Variants in ADAM10 observed in about 807,000 individuals in gnomAD.
ADAM10 encodes disintegrin and metalloproteinase domain-containing protein 10.
A neutral mutation model predicts 90.1 loss-of-function variants in ADAM10; 17 were observed. The ratio of observed to expected loss-of-function variants is 0.19; its 90% CI spans 0.13 to 0.28. The LOEUF is 0.28. Among genes scored for constraint, ADAM10 ranks in the 10% least tolerant of loss-of-function variants. ADAM10 has a pLI of 1.00. For synonymous variants in ADAM10, 310 were observed against 298.6 expected (o/e 1.04, Z -0.40); for missense variants, 610 against 914.3 (o/e 0.67, Z 4.29).
chr15:58,679,091 AAAAAGG>A, intron 4 of ADAM10, 27 bp downstream of exon 4: 2 of 1,593,420 alleles, frequency 1.3e-6, no homozygotes, highest in Non-Finnish European at 1.7e-6. Context: ...ATGCCTTTTG[AAAAAGG>A]CTACTTGATA....
intron 1 of ADAM10, among the ~76,000 whole-genome samples, chr15:58,718,807 C>A (rs191789258): frequency 6.6e-6 from 1 of 152,284 alleles, no homozygotes; most frequent in Admixed American, 6.5e-5. Context: ...GTGCAGCTCT[C>A]TCTTCACCCT....
chr15:58,644,159 C>G (rs555245086), intron 6 of ADAM10, among the ~76,000 whole-genome samples, 181 bp from the exon 7 acceptor site: 2 of 151,006 alleles, frequency 1.3e-5, no homozygotes, highest in Non-Finnish European at 2.9e-5. Context: ...AAGGGAGATT[C>G]TACTTTCTTT....
intron 5 of ADAM10, among the ~76,000 whole-genome samples, chr15:58,654,790 T>C (rs8036097): frequency 0.19 from 28,945 of 152,162 alleles, 3,004 homozygotes; most frequent in East Asian, 0.44. Context: ...TTCCATGTGA[T>C]TGTATAGTTT....
chr15:58,598,362 T>A (rs546545893), intron 15 of ADAM10, among the ~76,000 whole-genome samples: 5 of 152,296 alleles, frequency 3.3e-5, no homozygotes, highest in African/African-American at 9.6e-5. Context: ...CCTTAAATAC[T>A]AACATAAGTT....
intron 10 of ADAM10, among the ~76,000 whole-genome samples, chr15:58,625,223 C>T (rs906464977): frequency 6.6e-6 from 1 of 152,110 alleles, no homozygotes; most frequent in African/African-American, 2.4e-5. Context: ...AAAAGACAAG[C>T]TACAGACTGG....
chr15:58,655,676 ACATATATATATTATATATAG>A (rs1896792126), intron 5 of ADAM10, among the ~76,000 whole-genome samples: 5 of 111,170 alleles, frequency 4.5e-5, no homozygotes, highest in Admixed American at 2.9e-4. Flanking sequence ...ATACATACAT[ACATATATATATTATATATAG>A]TATATATATA....
intron 2 of ADAM10, among the ~76,000 whole-genome samples, chr15:58,708,377 T>A (rs552955641): frequency 6.6e-6 from 1 of 151,654 alleles, no homozygotes; most frequent in South Asian, 2.1e-4. Context: ...AAAAAATAAT[T>A]GAGGCCACAC....
At chr15:58,603,776 A>G (rs1895180892) in intron 14 of ADAM10, among the ~76,000 whole-genome samples, 1 of 150,758 alleles carries the variant, frequency 6.6e-6, no homozygotes, top group African/African-American at 2.4e-5. Flanking sequence ...CAAAGTGTAT[A>G]TGATTCCACC....
At position 58,682,300 on chromosome 15, in the gene ADAM10, C is replaced by A. The variant is rs761056936; in HGVS notation, c.221G>T (p.Arg74Leu). The change falls in exon 3 of 16, where the codon CGA becomes CTA. Residue 74 changes from arginine to leucine, a missense_variant. Physicochemically the swap from Arg to Leu is moderately radical, Grantham distance 102. Transcript: ENST00000260408. ...GAAAAGGGAAGTGTCCCTCTTCATT[C>A]GTAGGTTGAAATGTCTGTAAAATGG... ...FHAHGRHFNL[R>L]MKRDTSLFSD... 1 of 1,612,490 alleles carries A rather than the reference C, an allele frequency of 6.2e-7. No individual in the cohort carries two copies. Among genetic ancestry groups the A allele is most frequent in the Non-Finnish European group, 8.5e-7 (1 of 1,179,304 alleles).
intron 2 of ADAM10, among the ~76,000 whole-genome samples, chr15:58,685,873 G>A (rs1368143805): frequency 6.6e-6 from 1 of 152,044 alleles, no homozygotes; most frequent in East Asian, 1.9e-4. Context: ...TCTTTGGACA[G>A]ATGAATCAAT....
intron 3 of ADAM10, among the ~76,000 whole-genome samples, chr15:58,679,534 T>A (rs1460624413): frequency 6.6e-6 from 1 of 152,086 alleles, no homozygotes; most frequent in Non-Finnish European, 1.5e-5. Flanking sequence ...CAATGAAAAA[T>A]AGAGTATCTG....
chr15:58,636,697 A>C (rs1272696012), intron 8 of ADAM10, among the ~76,000 whole-genome samples: 1 of 152,164 alleles, frequency 6.6e-6, no homozygotes, highest in Non-Finnish European at 1.5e-5. Flanking sequence ...TATCTGTCCT[A>C]AACTTCAAAA....
At chr15:58,700,198 T>A (rs1028781741) in intron 2 of ADAM10, among the ~76,000 whole-genome samples, 1 of 152,114 alleles carries the variant, frequency 6.6e-6, no homozygotes, top group East Asian at 1.9e-4. Flanking sequence ...GACATAAAAT[T>A]AACAAAGAAT....
chr15:58,619,840 C>G (rs1371450322), intron 11 of ADAM10, among the ~76,000 whole-genome samples: 1 of 151,694 alleles, frequency 6.6e-6, no homozygotes, highest in Non-Finnish European at 1.5e-5. Flanking sequence ...GGAGGCGGAG[C>G]TTGTAGTGAG....
At position 58,652,630 on chromosome 15, in the gene ADAM10, T is replaced by C. The variant is rs1896717923; in HGVS notation, c.586-6426A>G. Among the ~76,000 whole-genome samples the C allele has an allele frequency of 4.6e-5, 7 of 152,284 alleles. 1 individual carries two copies. The South Asian group carries it at 1.5e-3, about 32-fold the overall frequency. Reference sequence around the variant, plus strand: ...TTCATGCCAGTACCATGTTGTTTGGTTACTATAGCGCTACAGTATAATCTG... The same window carrying C: ...TTCATGCCAGTACCATGTTGTTTGGCTACTATAGCGCTACAGTATAATCTG... On this transcript the variant is annotated intron_variant, in intron 5 of 15. Transcript: ENST00000260408.
intron 5 of ADAM10, among the ~76,000 whole-genome samples, chr15:58,661,992 T>C (rs1210211325): frequency 6.6e-6 from 1 of 152,218 alleles, no homozygotes; most frequent in Non-Finnish European, 1.5e-5. Flanking sequence ...ATACTAATAA[T>C]AGTTGTTTTA....
At chr15:58,726,104 C>T (rs757823164) in intron 1 of ADAM10, among the ~76,000 whole-genome samples, 1 of 152,068 alleles carries the variant, frequency 6.6e-6, no homozygotes, top group African/African-American at 2.4e-5. Context: ...GAATTTATGA[C>T]ACACAGAATT....
chr15:58,692,653 A>C lies in ADAM10; in HGVS notation c.207-10339T>G, dbSNP rs748832179. On this transcript the variant is annotated intron_variant, in intron 2 of 15. Transcript: ENST00000260408. Reference sequence around the variant, plus strand: ...CTCTGTCTGATCTTCTTTAAGGTGAAGGATCACTTTGGTATCCCTGTCAAT... The same window carrying C: ...CTCTGTCTGATCTTCTTTAAGGTGACGGATCACTTTGGTATCCCTGTCAAT... 5.4e-6 allele frequency: 3 copies of C among 560,362 alleles called. No homozygotes were observed. In the African/African-American group the frequency reaches 5.7e-5, roughly 11 times the overall value. 34.7% of individuals were successfully genotyped at this position (560,362 alleles called of 1,614,324 possible). A position where few individuals can be genotyped will look rare whatever the true frequency, so the allele number is the denominator to read the frequency against.
At chr15:58,602,026 G>A (rs558894117) in intron 14 of ADAM10, among the ~76,000 whole-genome samples, 12 of 152,182 alleles carry the variant, frequency 7.9e-5, no homozygotes, top group African/African-American at 2.9e-4. Flanking sequence ...CATGATTCTT[G>A]TTTCTCTTTT....
Sources: gnomAD v4.1 joint callset for allele counts (sites outside exome capture counted in the v4.1 genomes callset) on GRCh38, gnomAD v4.1.1 for gene constraint, MANE v1.5 for transcripts, NCBI Gene and HGNC (gene_info 2026-07-23, HGNC 2026-07-21) for gene names.